The following FMNL2 variants were observed in gnomAD, a reference collection of about 807,000 sequenced individuals.
FMNL2 encodes formin like 2, also known as formin-like protein 2.
In FMNL2, 51 loss-of-function variants were observed where a neutral mutation model predicts 130.2. The observed-to-expected ratio is 0.39, with a 90% CI of 0.31 to 0.49. The LOEUF (loss-of-function observed/expected upper bound fraction) is 0.49. Ranked by LOEUF, FMNL2 falls within the 20% of genes least tolerant of loss-of-function variation. FMNL2 has a pLI of 0.85. For synonymous variants in FMNL2, 465 were observed against 467.1 expected, an observed-to-expected ratio of 1.00 and a Z score of 0.06; for missense variants, 977 against 1,316.2, an observed-to-expected ratio of 0.74 and a Z score of 3.99.
intron 1 of FMNL2, among the ~76,000 whole-genome samples, chr2:152,469,748 T>C (rs978187441): frequency 1.3e-5 from 2 of 152,230 alleles, no homozygotes; most frequent in African/African-American, 4.8e-5. Context: ...TTTCTGGTTA[T>C]AATTTTTTTA....
chr2:152,529,613 C>G (rs1037149436), intron 2 of FMNL2, among the ~76,000 whole-genome samples: 3 of 152,136 alleles, frequency 2.0e-5, no homozygotes, highest in Non-Finnish European at 4.4e-5. Context: ...GATGCCAACT[C>G]TTTGTATGTT....
At chr2:152,589,976 T>TAG (rs1697313924) in intron 9 of FMNL2, among the ~76,000 whole-genome samples, 1 of 51,156 alleles carries the variant, frequency 2.0e-5, no homozygotes, top group South Asian at 4.8e-4. Context: ...TATATATATA[T>TAG]ATATATATGT....
chr2:152,640,052 C>G lies in FMNL2; in HGVS notation c.3041C>G (p.Pro1014Arg). 6.4e-7 allele frequency: 1 copy of G among 1,550,720 alleles called. No individual in the cohort carries two copies. The highest frequency in any genetic ancestry group is 8.7e-7 in the Non-Finnish European group (1 of 1,147,382). ...EQEALMEQQD[P>R]KSPSHKSKRQ... ...GAAGCTCTGATGGAGCAGCAGGATC[C>G]AAAGGTAAGAAGTGCCGCACTCATG... The change falls in exon 24 of 26, where the codon CCA becomes CGA. Residue 1014 changes from proline (P) to arginine (R), a missense_variant. By Grantham distance (103) the Pro-to-Arg change is moderately radical. This residue lies in a region of FMNL2 where 168 missense variants were observed against 168.8 expected (regional missense o/e 1.00). Transcript: ENST00000288670.
intron 9 of FMNL2, among the ~76,000 whole-genome samples, chr2:152,585,436 A>T (rs1697010635): frequency 6.6e-6 from 1 of 152,206 alleles, no homozygotes; most frequent in African/African-American, 2.4e-5. Flanking sequence ...CACCCTTTGG[A>T]TATTTATATT....
At chr2:152,525,215 G>A (rs1693320656) in intron 2 of FMNL2, among the ~76,000 whole-genome samples, 1 of 152,194 alleles carries the variant, frequency 6.6e-6, no homozygotes, top group Admixed American at 6.5e-5. Flanking sequence ...GTAGGTAAGG[G>A]TTTCTTACCG....
intron 4 of FMNL2, among the ~76,000 whole-genome samples, chr2:152,551,008 G>A (rs149842734): frequency 5.3e-4 from 81 of 152,056 alleles, no homozygotes; most frequent in African/African-American, 1.8e-3. Flanking sequence ...GCATGGTGGT[G>A]CGTGCTTGTA....
intron 1 of FMNL2, among the ~76,000 whole-genome samples, chr2:152,518,803 C>T (rs550756283): frequency 2.6e-5 from 4 of 152,354 alleles, no homozygotes; most frequent in African/African-American, 4.8e-5. Flanking sequence ...TGGCCTCCTA[C>T]TGGCTCTCTG....
intron 1 of FMNL2, among the ~76,000 whole-genome samples, chr2:152,474,100 C>G (rs1037534024): frequency 6.6e-6 from 1 of 152,098 alleles, no homozygotes; most frequent in Non-Finnish European, 1.5e-5. Flanking sequence ...TGGTCTCAAA[C>G]TCCTGGCCTC....
chr2:152,355,383 C>T (rs1035833905), intron 1 of FMNL2, among the ~76,000 whole-genome samples: 7 of 152,192 alleles, frequency 4.6e-5, no homozygotes, highest in African/African-American at 1.2e-4. Context: ...GGGTCATCCC[C>T]GGTCTTTGGC....
intron 1 of FMNL2, among the ~76,000 whole-genome samples, chr2:152,498,452 G>T (rs1170246495): frequency 1.3e-5 from 2 of 151,996 alleles, no homozygotes; most frequent in Admixed American, 1.3e-4. Flanking sequence ...CACAGCCACA[G>T]GTTTCTTATT....
intron 1 of FMNL2, among the ~76,000 whole-genome samples, chr2:152,446,939 A>G (rs1316296199): frequency 6.6e-6 from 1 of 152,114 alleles, no homozygotes; most frequent in Non-Finnish European, 1.5e-5. Flanking sequence ...GGAAGGAGGG[A>G]AGGAAGTGGT....
chr2:152,603,546 C>T (rs776701257), intron 9 of FMNL2, among the ~76,000 whole-genome samples: 8 of 150,576 alleles, frequency 5.3e-5, no homozygotes, highest in Non-Finnish European at 1.2e-4. Flanking sequence ...TCAGGTCTAT[C>T]TGCCAGGCTA....
chr2:152,507,312 C>T (rs917467771), intron 1 of FMNL2, among the ~76,000 whole-genome samples: 6 of 152,152 alleles, frequency 3.9e-5, no homozygotes, highest in African/African-American at 1.4e-4. Flanking sequence ...GCTCTCAAAG[C>T]CATTATGTTA....
intron 1 of FMNL2, among the ~76,000 whole-genome samples, chr2:152,388,143 A>G (rs1452297288): frequency 5.9e-5 from 9 of 152,162 alleles, no homozygotes; most frequent in Admixed American, 5.9e-4. Context: ...ATCTGAAGAG[A>G]CATAATTGAG....
chr2:152,513,808 G>A (rs1401823914), intron 1 of FMNL2, among the ~76,000 whole-genome samples: 1 of 152,094 alleles, frequency 6.6e-6, no homozygotes, highest in Non-Finnish European at 1.5e-5. Flanking sequence ...CACTGGCTAC[G>A]GCGGTGATAT....
chr2:152,464,227 A>G (rs1558884672), intron 1 of FMNL2, among the ~76,000 whole-genome samples: 2 of 152,198 alleles, frequency 1.3e-5, no homozygotes, highest in African/African-American at 4.8e-5. Flanking sequence ...TACAGGTGTG[A>G]GCCCCCGCAC....
chr2:152,466,314 T>C (rs1689533218), intron 1 of FMNL2, among the ~76,000 whole-genome samples: 1 of 152,222 alleles, frequency 6.6e-6, no homozygotes, highest in Non-Finnish European at 1.5e-5. Flanking sequence ...ATTGGCGTTT[T>C]GTAAACCACC....
intron 25 of FMNL2, among the ~76,000 whole-genome samples, chr2:152,644,437 T>G (rs1474873907): frequency 2.0e-5 from 3 of 152,216 alleles, no homozygotes; most frequent in Non-Finnish European, 4.4e-5. Context: ...CTTAACTCTC[T>G]TATACGTCCA....
At chr2:152,451,714 A>G (rs1192327868) in intron 1 of FMNL2, among the ~76,000 whole-genome samples, 1 of 152,170 alleles carries the variant, frequency 6.6e-6, no homozygotes, top group Non-Finnish European at 1.5e-5. Context: ...CTGAAACACT[A>G]GACTCTCGAA....
Sources: allele counts gnomAD v4.1 joint callset (sites outside exome capture counted in the v4.1 genomes callset), GRCh38; gene constraint gnomAD v4.1.1; regional missense constraint gnomAD v4.1.1; transcripts MANE v1.5; gene names NCBI Gene and HGNC (gene_info 2026-07-23, HGNC 2026-07-21).